Variants in C9orf85 observed in about 807,000 individuals in gnomAD.
C9orf85 encodes chromosome 9 open reading frame 85, also known as uncharacterized protein C9orf85.
A neutral mutation model predicts 14.9 loss-of-function variants in C9orf85; 16 were observed. The ratio of observed to expected loss-of-function variants is 1.08; its 90% CI spans 0.73 to 1.63. The LOEUF (loss-of-function observed/expected upper bound fraction) is 1.63, where lower values mean the gene tolerates loss of function less well. Ranked by LOEUF, C9orf85 falls within the 40% of genes most tolerant of loss-of-function variation. C9orf85 has a pLI of 0.00. For synonymous variants in C9orf85, 45 were observed against 56.8 expected, an observed-to-expected ratio of 0.79 and a Z score of 0.93; for missense variants, 172 against 186.1, an observed-to-expected ratio of 0.92 and a Z score of 0.44.
At chr9:71,965,587 C>A (rs1420502297) in intron 2 of C9orf85, among the ~76,000 whole-genome samples, 2 of 151,970 alleles carry the variant, frequency 1.3e-5, no homozygotes, top group Non-Finnish European at 1.5e-5. Context: ...GGTGTGCACC[C>A]CTACACCTGG....
chr9:71,928,375 T>C (rs530641284), intron 1 of C9orf85, among the ~76,000 whole-genome samples: 3 of 152,306 alleles, frequency 2.0e-5, no homozygotes, highest in Non-Finnish European at 2.9e-5. Context: ...TATTGCTTGC[T>C]GTTCAGATTT....
chr9:71,927,037 G>A (rs890024123), intron 1 of C9orf85, among the ~76,000 whole-genome samples: 1 of 152,044 alleles, frequency 6.6e-6, no homozygotes, highest in Middle Eastern at 3.2e-3. Flanking sequence ...GGTGAGGTTG[G>A]TAAACTCCAG....
intron 2 of C9orf85, among the ~76,000 whole-genome samples, chr9:71,953,509 G>C (rs1822299440): frequency 6.6e-6 from 1 of 152,128 alleles, no homozygotes; most frequent in South Asian, 2.1e-4. Context: ...TCTGGCCTGA[G>C]AGTTTCATGT....
chr9:71,954,962 A>G lies in C9orf85; in HGVS notation c.209+7850A>G, dbSNP rs1822346117. 2.6e-5 allele frequency among the ~76,000 whole-genome samples: 4 copies of G among 152,174 alleles called. No individual in the cohort carries two copies. The South Asian group carries it at 8.3e-4, about 32-fold the overall frequency. The stretch of plus-strand genomic sequence containing the variant: ...TGCTACAAAGCTTTCTTGTAACTAA[A>G]TTAGCCAAACCAAGACGTTAAAGAT... On this transcript the variant is annotated intron_variant, in intron 2 of 3. Coordinates refer to ENST00000334731, the MANE Select transcript of C9orf85 (RefSeq NM_182505.5).
chr9:71,934,836 C>T (rs1828151460), intron 1 of C9orf85, among the ~76,000 whole-genome samples: 1 of 152,020 alleles, frequency 6.6e-6, no homozygotes, highest in Admixed American at 6.6e-5. Context: ...TGCCATTGTA[C>T]TCCAGCCTGG....
In C9orf85 at chr9:71,921,509, T is replaced by A. The variant is rs371216625; in HGVS notation, c.102+9673T>A. On this transcript the variant is annotated intron_variant, in intron 1 of 3. Coordinates refer to ENST00000334731, the MANE Select transcript of C9orf85 (RefSeq NM_182505.5). ...CACCTCCCTTCCCTACAAGATGTCC[T>A]GCCTTTCCAGGCTAAACCAATGTGT... is the stretch of plus-strand genomic sequence containing the variant. Among the ~76,000 whole-genome samples the A allele has an allele frequency of 1.1e-3, 170 of 152,364 alleles. 2 individuals carry two copies. The highest frequency in any genetic ancestry group is 4.0e-3 in the African/African-American group (165 of 41,592).
intron 2 of C9orf85, among the ~76,000 whole-genome samples, chr9:71,970,653 G>T (rs1444557756): frequency 6.6e-6 from 1 of 151,960 alleles, no homozygotes; most frequent in African/African-American, 2.4e-5. Flanking sequence ...ACATTTTATT[G>T]TTCCTTTTCA....
intron 1 of C9orf85, among the ~76,000 whole-genome samples, chr9:71,916,717 G>C (rs558182999): frequency 6.6e-6 from 1 of 152,122 alleles, no homozygotes; most frequent in Non-Finnish European, 1.5e-5. Context: ...CTGGATTTCA[G>C]ATTTTTTCAG....
In C9orf85 at chr9:71,911,783, C is replaced by CT. The variant is rs773775128; in HGVS notation, c.49_50insT (p.Gln17LeufsTer5). ...GGCTCGTTCCAGACCTCAGAAGCAC[C>CT]AGAATACGTTTAGCTTCAAAAATGA... On this transcript the variant is annotated frameshift_variant, in exon 1 of 4. Transcript: ENST00000334731. LOFTEE classifies it high-confidence loss of function. The CT allele has an allele frequency of 7.7e-5, 125 of 1,614,038 alleles. No individual in the cohort carries two copies. The highest frequency in any genetic ancestry group is 9.7e-5 in the Non-Finnish European group (114 of 1,180,036).
Position 71,952,525 on chromosome 9 carries a change from C to T in C9orf85, c.209+5413C>T, listed in dbSNP as rs1380108741. Among the ~76,000 whole-genome samples, 14 of 152,062 alleles carry T rather than the reference C, an allele frequency of 9.2e-5. 1 individual carries two copies. Among genetic ancestry groups the T allele is most frequent in the African/African-American group, 3.4e-4 (14 of 41,392 alleles). On this transcript the variant is annotated intron_variant, in intron 2 of 3. Coordinates refer to ENST00000334731, the MANE Select transcript of C9orf85 (RefSeq NM_182505.5). ...GACTACAGACGCCCACCACCACACC[C>T]GGCTAATTTTTTTTGTATTTTTAGT...
intron 2 of C9orf85, among the ~76,000 whole-genome samples, chr9:71,968,045 A>G (rs1422293572): frequency 1.3e-5 from 2 of 151,910 alleles, no homozygotes; most frequent in Admixed American, 6.6e-5. Context: ...GGCTTTGAAT[A>G]TACTGAATTA....
intron 2 of C9orf85, among the ~76,000 whole-genome samples, chr9:71,956,052 A>G (rs1220798076): frequency 6.6e-6 from 1 of 152,202 alleles, no homozygotes; most frequent in Non-Finnish European, 1.5e-5. Context: ...GTAGTCAAGG[A>G]AAAATAAATG....
intron 1 of C9orf85, among the ~76,000 whole-genome samples, chr9:71,914,717 T>A (rs1359254): frequency 6.6e-6 from 1 of 152,152 alleles, no homozygotes; most frequent in Non-Finnish European, 1.5e-5. Flanking sequence ...ATGGCCAAAC[T>A]TGGACCAGGG....
At chr9:71,950,177 C>T (rs550694922) in intron 2 of C9orf85, among the ~76,000 whole-genome samples, 1 of 152,260 alleles carries the variant, frequency 6.6e-6, no homozygotes, top group East Asian at 1.9e-4. Context: ...GAAAGTAAAA[C>T]TCACTTATAT....
chr9:71,930,994 C>T (rs1335116268), intron 1 of C9orf85, among the ~76,000 whole-genome samples: 1 of 151,992 alleles, frequency 6.6e-6, no homozygotes, highest in Admixed American at 6.6e-5. Context: ...TCCCAACCTT[C>T]GAGGTGTTTA....
intron 2 of C9orf85, among the ~76,000 whole-genome samples, chr9:71,970,956 T>C (rs540112022): frequency 1.3e-3 from 204 of 152,176 alleles, no homozygotes; most frequent in African/African-American, 3.3e-3. Flanking sequence ...GGTTTCACCA[T>C]GTTGGCCAGA....
chr9:71,976,951 CAAG>C (rs745441132), downstream of C9orf85, among the ~76,000 whole-genome samples: 37 of 152,198 alleles, frequency 2.4e-4, no homozygotes, highest in Middle Eastern at 0.014. Flanking sequence ...ACCTCACTGA[CAAG>C]AAGAAAGCAC....
At chr9:71,969,443 C>T (rs942496020) in intron 2 of C9orf85, among the ~76,000 whole-genome samples, 1 of 152,090 alleles carries the variant, frequency 6.6e-6, no homozygotes, top group Non-Finnish European at 1.5e-5. Context: ...CACCCAGCCT[C>T]TTATTATTCT....
chr9:71,981,345 C>T (rs1823091903), intron 3 of C9orf85, among the ~76,000 whole-genome samples: 1 of 152,246 alleles, frequency 6.6e-6, no homozygotes, highest in Admixed American at 6.5e-5. Context: ...TTTGCCCACA[C>T]ATGGGACATG....
Sources: gnomAD v4.1 joint callset for allele counts (sites outside exome capture counted in the v4.1 genomes callset) on GRCh38, gnomAD v4.1.1 for gene constraint, MANE v1.5 for transcripts, NCBI Gene and HGNC (gene_info 2026-07-23, HGNC 2026-07-21) for gene names.